The following C16orf78 variants were observed in gnomAD, a reference collection of about 807,000 sequenced individuals.
The protein encoded by C16orf78 is uncharacterized protein C16orf78.
A neutral mutation model predicts 27.3 loss-of-function variants in C16orf78; 19 were observed. The observed-to-expected ratio is 0.70, with a 90% CI of 0.49 to 1.02. The LOEUF (loss-of-function observed/expected upper bound fraction) is 1.02. Among genes scored for constraint, C16orf78 ranks in the 50% least tolerant of loss-of-function variants. The pLI is 0.00. For missense variants in C16orf78, 339 were observed against 337.0 expected (o/e 1.01, Z -0.05); for synonymous variants, 130 against 116.1 (o/e 1.12, Z -0.77).
intron 3 of C16orf78, among the ~76,000 whole-genome samples, chr16:49,382,012 C>T (rs1266280716): frequency 6.6e-6 from 1 of 151,998 alleles, no homozygotes; most frequent in African/African-American, 2.4e-5. Flanking sequence ...TTGGAACCAA[C>T]CCAAATGTCC....
chr16:49,378,437 C>A (rs765415827), intron 2 of C16orf78, 33 bp from the exon 3 acceptor site: 11 of 1,548,596 alleles, frequency 7.1e-6, no homozygotes, highest in Non-Finnish European at 7.9e-6. Flanking sequence ...GGTCCTGTAA[C>A]TGGGGTGTGA....
chr16:49,386,431 A>G (rs1159100998), intron 3 of C16orf78, among the ~76,000 whole-genome samples: 1 of 152,202 alleles, frequency 6.6e-6, no homozygotes, highest in Non-Finnish European at 1.5e-5. Flanking sequence ...AGAAGTGATC[A>G]TATGTGGGAC....
In C16orf78 at chr16:49,381,682, A is replaced by G. The variant is rs563192781; in HGVS notation, c.394+3089A>G. The stretch of plus-strand genomic sequence containing the variant: ...GAAAAAATGCTCATCATCACTGGCC[A>G]TCAGAGAAATGCAAATCAAAACCAC... On this transcript the variant is annotated intron_variant, in intron 3 of 4. Coordinates refer to ENST00000299191, the MANE Select transcript of C16orf78 (RefSeq NM_144602.4). 4.6e-5 allele frequency among the ~76,000 whole-genome samples: 7 copies of G among 151,386 alleles called. No homozygotes were observed. In the South Asian group the frequency reaches 1.1e-3, roughly 23 times the overall value.
intron 3 of C16orf78, among the ~76,000 whole-genome samples, chr16:49,392,268 C>A (rs954030575): frequency 6.6e-6 from 1 of 152,180 alleles, no homozygotes; most frequent in Non-Finnish European, 1.5e-5. Flanking sequence ...GACCCCAACT[C>A]ACATAAGTCA....
chr16:49,394,062 T>C (rs1022324292), intron 3 of C16orf78, among the ~76,000 whole-genome samples: 3 of 152,222 alleles, frequency 2.0e-5, no homozygotes, highest in Admixed American at 6.5e-5. Context: ...GCAGTGAAGG[T>C]TGAAAAATAA....
intron 1 of C16orf78, among the ~76,000 whole-genome samples, chr16:49,376,457 T>C (rs1219103063): frequency 6.6e-6 from 1 of 152,082 alleles, no homozygotes; most frequent in Non-Finnish European, 1.5e-5. Context: ...TGGGGGATGG[T>C]GGAAGGGGCT....
intron 3 of C16orf78, among the ~76,000 whole-genome samples, chr16:49,388,614 C>A (rs114101769): frequency 0.01 from 1,595 of 152,254 alleles, 37 homozygotes; most frequent in African/African-American, 0.037. Context: ...CATGCTCAAG[C>A]AATCCTCCCA....
At chr16:49,378,176 A>G (rs1229001127) in intron 2 of C16orf78, among the ~76,000 whole-genome samples, 1 of 152,196 alleles carries the variant, frequency 6.6e-6, no homozygotes, top group Non-Finnish European at 1.5e-5. Context: ...TCCTGGCCAC[A>G]CAGCTAACAG....
In C16orf78 at chr16:49,396,456, C is replaced by T. The variant is rs767222710; in HGVS notation, c.428C>T (p.Ser143Phe). The part of the protein sequence containing the change: ...TDIKDAVDPE[S>F]TQRPNPFRRQ... ...ATCAAGGATGCAGTCGACCCAGAGT[C>T]CACTCAGCGGCCAAACCCATTCCGT... is the stretch of plus-strand genomic sequence containing the variant. The change falls in exon 4 of 5, where the codon TCC becomes TTC. Residue 143 changes from serine (S) to phenylalanine (F), a missense_variant. Physicochemically the swap from Ser to Phe is radical, Grantham distance 155 (BLOSUM62 -2). Transcript: ENST00000299191. 6.2e-7 allele frequency: 1 copy of T among 1,614,186 alleles called. No individual in the cohort carries two copies. The highest frequency in any genetic ancestry group is 8.5e-7 in the Non-Finnish European group (1 of 1,180,042).
At chr16:49,388,419 C>G (rs1322805477) in intron 3 of C16orf78, among the ~76,000 whole-genome samples, 1 of 152,122 alleles carries the variant, frequency 6.6e-6, no homozygotes, top group Non-Finnish European at 1.5e-5. Flanking sequence ...TCTTTATTTT[C>G]ATCTGTTTCA....
intron 3 of C16orf78, among the ~76,000 whole-genome samples, chr16:49,387,896 A>G (rs1482232803): frequency 6.6e-6 from 1 of 152,106 alleles, no homozygotes; most frequent in African/African-American, 2.4e-5. Flanking sequence ...GTCAGTGGTA[A>G]TATCTCCTTT....
At chr16:49,385,987 A>G (rs1051147658) in intron 3 of C16orf78, among the ~76,000 whole-genome samples, 8 of 152,224 alleles carry the variant, frequency 5.3e-5, no homozygotes, top group Admixed American at 2.0e-4. Flanking sequence ...CTTTAGCTTT[A>G]AGGACACACA....
intron 3 of C16orf78, among the ~76,000 whole-genome samples, chr16:49,391,236 C>T (rs1965409456): frequency 6.6e-6 from 1 of 152,202 alleles, no homozygotes; most frequent in South Asian, 2.1e-4. Context: ...AACTGTAACA[C>T]CTTGCCAAAG....
intron 1 of C16orf78, among the ~76,000 whole-genome samples, chr16:49,377,080 T>A (rs1235811572): frequency 6.6e-6 from 1 of 152,120 alleles, no homozygotes; most frequent in Non-Finnish European, 1.5e-5. Context: ...ACCCTGGAGA[T>A]CCCTAATGAC....
At chr16:49,384,138 A>C (rs931107576) in intron 3 of C16orf78, among the ~76,000 whole-genome samples, 1 of 152,030 alleles carries the variant, frequency 6.6e-6, no homozygotes, top group African/African-American at 2.4e-5. Flanking sequence ...CACCTGAGGT[A>C]GGGAGTTCGA....
chr16:49,376,310 G>A (rs1175303524), intron 1 of C16orf78, among the ~76,000 whole-genome samples: 3 of 152,234 alleles, frequency 2.0e-5, no homozygotes, highest in African/African-American at 7.2e-5. Flanking sequence ...TCTCAGCCAT[G>A]GAGGATGCTG....
chr16:49,385,190 A>G (rs1210943592), intron 3 of C16orf78, among the ~76,000 whole-genome samples: 1 of 151,952 alleles, frequency 6.6e-6, no homozygotes, highest in Non-Finnish European at 1.5e-5. Flanking sequence ...TCTAGTATAA[A>G]AGCTAAAAAA....
chr16:49,387,074 G>A (rs1209806419), intron 3 of C16orf78, among the ~76,000 whole-genome samples: 1 of 152,170 alleles, frequency 6.6e-6, no homozygotes, highest in Non-Finnish European at 1.5e-5. Flanking sequence ...CAGTGCATAA[G>A]TGTTCCCTTT....
intron 3 of C16orf78, among the ~76,000 whole-genome samples, chr16:49,385,647 T>A (rs930488327): frequency 7.1e-6 from 1 of 141,714 alleles, no homozygotes; most frequent in Non-Finnish European, 1.5e-5. Context: ...AGAGTGAGAC[T>A]CCATCTCAAA....
Sources: gnomAD v4.1 joint callset for allele counts (sites outside exome capture counted in the v4.1 genomes callset) on GRCh38, gnomAD v4.1.1 for gene constraint, MANE v1.5 for transcripts, NCBI Gene and HGNC (gene_info 2026-07-23, HGNC 2026-07-21) for gene names.